PDE4A: variants seen among roughly 807,000 people sequenced by gnomAD.
PDE4A encodes the protein 3',5'-cyclic-AMP phosphodiesterase 4A.
In PDE4A, 21 loss-of-function variants were observed where a neutral mutation model predicts 73.9. That is an observed-to-expected ratio of 0.28 (90% confidence interval 0.20 to 0.41). The LOEUF (loss-of-function observed/expected upper bound fraction) is 0.41, where lower values mean the gene tolerates loss of function less well. Ranked by LOEUF, PDE4A falls within the 10% of genes least tolerant of loss-of-function variation. The probability of loss-of-function intolerance (pLI) is 1.00; values close to 1 mark genes in which losing one functional copy is unlikely to be tolerated. For synonymous variants in PDE4A, 463 were observed against 505.4 expected (o/e 0.92, Z 1.13); for missense variants, 958 against 1,211.4 (o/e 0.79, Z 3.10).
intron 14 of PDE4A, among the ~76,000 whole-genome samples, chr19:10,466,577 A>G (rs2043376633): frequency 6.6e-6 from 1 of 151,540 alleles, no homozygotes; most frequent in Admixed American, 6.6e-5. Context: ...AGCTCATTGC[A>G]ATCTCCGCCT....
At chr19:10,449,434 A>G (rs1766251025) in intron 4 of PDE4A, among the ~76,000 whole-genome samples, 2 of 152,196 alleles carry the variant, frequency 1.3e-5, no homozygotes, top group Admixed American at 1.3e-4. Flanking sequence ...ATCTTGGCTC[A>G]CTGCAACCTC....
rs1393788247 is a variant in PDE4A, at chr19:10,453,406, G to A, written c.784-1423G>A. Reference sequence around the variant, plus strand: ...CCGGTGTGGGCTTGTGTGTGCAGCTGTGCACGTGTGTGGCCTGGAGATGAA... The same window carrying A: ...CCGGTGTGGGCTTGTGTGTGCAGCTATGCACGTGTGTGGCCTGGAGATGAA... On this transcript the variant is annotated intron_variant, in intron 6 of 14. Transcript: ENST00000380702. The surrounding 1 kb of genome is among the most constrained non-coding windows in gnomAD (Gnocchi z 4.6). 2.0e-6 allele frequency: 3 copies of A among 1,494,902 alleles called. No homozygotes were observed. In the African/African-American group the frequency reaches 4.2e-5, roughly 21 times the overall value. The allele number at this position is 1,494,902 out of a possible 1,614,324, so 92.6% of individuals were successfully genotyped here.
chr19:10,438,589 T>A (rs1207387770), intron 1 of PDE4A, among the ~76,000 whole-genome samples: 1 of 152,104 alleles, frequency 6.6e-6, no homozygotes, highest in Non-Finnish European at 1.5e-5. Context: ...CTTATTTTAC[T>A]GAGCATAATG....
chr19:10,431,121 G>A lies in PDE4A; in HGVS notation c.320+10037G>A, dbSNP rs552295613. Reference sequence around the variant, plus strand: ...GCGCTGGTGGCCGTGGGTTCAAGTCGCCCCTGGCCACCTGGCGCACTCCAG... The same window carrying A: ...GCGCTGGTGGCCGTGGGTTCAAGTCACCCCTGGCCACCTGGCGCACTCCAG... On this transcript the variant is annotated intron_variant, in intron 1 of 14. Coordinates refer to ENST00000380702, the MANE Select transcript of PDE4A (RefSeq NM_001111307.2). 9.9e-6 allele frequency: 14 copies of A among 1,416,982 alleles called. No individual in the cohort carries two copies. The African/African-American group carries it at 1.6e-4, about 17-fold the overall frequency. The allele number at this position is 1,416,982 out of a possible 1,614,324, so 87.8% of individuals were successfully genotyped here.
chr19:10,419,168 G>C (rs1312137028), upstream of PDE4A: 2 of 846,714 alleles, frequency 2.4e-6, no homozygotes, highest in Non-Finnish European at 2.8e-6. Flanking sequence ...CACGGGGGCA[G>C]GGGTCTGGTC....
At chr19:10,466,644 C>T (rs549531929) in intron 14 of PDE4A, among the ~76,000 whole-genome samples, 15 of 151,954 alleles carry the variant, frequency 9.9e-5, no homozygotes, top group Admixed American at 2.0e-4. Flanking sequence ...CAGGCATGCA[C>T]CACCACAACC....
intron 1 of PDE4A, among the ~76,000 whole-genome samples, chr19:10,430,102 G>T (rs1435093121): frequency 1.3e-5 from 2 of 151,948 alleles, no homozygotes; most frequent in Non-Finnish European, 2.9e-5. Context: ...GGGATGATGG[G>T]GAGCTCTGGA....
chr19:10,423,333 A>G (rs2145445679), intron 1 of PDE4A, among the ~76,000 whole-genome samples: 1 of 151,414 alleles, frequency 6.6e-6, no homozygotes, highest in South Asian at 2.1e-4. Flanking sequence ...TAATTTTTGA[A>G]TTTTTAGTAG....
Position 10,450,585 on chromosome 19 carries a change from A to ATTTT in PDE4A, c.621-10_621-7dup. Reference sequence around the variant, plus strand: ...GGACCCAGGCTGACATTGCAGCCCCATTTTTTTTTTTCTGCAGGCGGTCCC... The same window carrying ATTTT: ...GGACCCAGGCTGACATTGCAGCCCCATTTTTTTTTTTTTTTCTGCAGGCGGTCCC... On this transcript the variant is annotated splice_polypyrimidine_tract_variant and intron_variant, in intron 4 of 14. Coordinates refer to ENST00000380702, the MANE Select transcript of PDE4A (RefSeq NM_001111307.2). 2.2e-6 allele frequency: 3 copies of ATTTT among 1,375,782 alleles called. No homozygotes were observed. The highest frequency in any genetic ancestry group is 1.3e-5 in the South Asian group (1 of 74,412). 85.2% of individuals were successfully genotyped at this position (1,375,782 alleles called of 1,614,324 possible). A position where few individuals can be genotyped will look rare whatever the true frequency, so the allele number is the denominator to read the frequency against.
At chr19:10,422,114 G>A (rs376429353) in intron 1 of PDE4A, among the ~76,000 whole-genome samples, 3 of 152,162 alleles carry the variant, frequency 2.0e-5, no homozygotes, top group Non-Finnish European at 4.4e-5. Flanking sequence ...GATTGGGATA[G>A]AGTGACTGTT....
chr19:10,425,223 A>AAG (rs1054524096), intron 1 of PDE4A, among the ~76,000 whole-genome samples: 14 of 67,706 alleles, frequency 2.1e-4, no homozygotes, highest in Non-Finnish European at 4.3e-4. Flanking sequence ...ACCCTGTCTC[A>AAG]AAAAAAAAAA....
chr19:10,434,655 AT>A (rs2042840819), intron 1 of PDE4A, among the ~76,000 whole-genome samples: 1 of 151,642 alleles, frequency 6.6e-6, no homozygotes, highest in South Asian at 2.1e-4. Context: ...CAGTGGTGCG[AT>A]CTTGCCTCAC....
At chr19:10,457,750 C>T in intron 7 of PDE4A, 129 bp from the exon 8 acceptor site, 5 of 1,467,048 alleles carry the variant, frequency 3.4e-6, no homozygotes, top group Non-Finnish European at 4.5e-6. Context: ...TAGCCAGCGG[C>T]ATCACAGCTG....
intron 2 of PDE4A, chr19:10,448,686 C>T (rs976793319): frequency 3.4e-5 from 10 of 297,744 alleles, no homozygotes; most frequent in Non-Finnish European, 4.5e-5. Flanking sequence ...TCCCCTTTTC[C>T]ACTTTGTCTC....
At chr19:10,421,318 TG>T in intron 1 of PDE4A, 1 of 985,134 alleles carries the variant, frequency 1.0e-6, no homozygotes, top group Non-Finnish European at 1.2e-6. Context: ...ACGCTGCGCG[TG>T]GTGTTAACGA....
At chr19:10,419,150 AGGGGGCGCAC>A, upstream of PDE4A, 1 of 910,228 alleles carries the variant, frequency 1.1e-6, no homozygotes, top group Non-Finnish European at 1.3e-6. Flanking sequence ...AGCCCGTGAC[AGGGGGCGCAC>A]GGGGGCAGGG....
chr19:10,463,079 CTCTT>C (rs1173707078), intron 13 of PDE4A, among the ~76,000 whole-genome samples: 1 of 151,570 alleles, frequency 6.6e-6, no homozygotes, highest in Non-Finnish European at 1.5e-5. Flanking sequence ...CTTCTTCTTT[CTCTT>C]TCTTCTTTTC....
intron 7 of PDE4A, among the ~76,000 whole-genome samples, chr19:10,455,768 AT>A (rs1488124867): frequency 8.1e-5 from 9 of 111,454 alleles, no homozygotes; most frequent in African/African-American, 4.4e-4. Context: ...GTCTCAAAAA[AT>A]AAACAAAAAA....
At chr19:10,417,869 G>T (rs1448127596), upstream of PDE4A, 1 of 1,551,974 alleles carries the variant, frequency 6.4e-7, no homozygotes. Context: ...ACGACAGGTA[G>T]GTAGGAGAGG....
Sources: gnomAD v4.1 joint callset for allele counts (sites outside exome capture counted in the v4.1 genomes callset) on GRCh38, gnomAD v4.1.1 for gene constraint, Gnocchi (gnomAD v3.1) non-coding constraint, MANE v1.5 for transcripts, NCBI Gene and HGNC (gene_info 2026-07-23, HGNC 2026-07-21) for gene names.